Variants in TMEM220 observed in about 807,000 individuals in gnomAD.
TMEM220 encodes the protein transmembrane protein 220.
In TMEM220, 21 loss-of-function variants were observed where a neutral mutation model predicts 21.7. The ratio of observed to expected loss-of-function variants is 0.97; its 90% confidence interval spans 0.69 to 1.39. The LOEUF is 1.39. TMEM220 is among the 40% of genes most tolerant of loss of function. The probability of loss-of-function intolerance (pLI) is 0.00; values close to 1 mark genes in which losing one functional copy is unlikely to be tolerated. For missense variants in TMEM220, 191 were observed against 201.9 expected (o/e 0.95, Z 0.33); for synonymous variants, 80 against 73.6 (o/e 1.09, Z -0.45).
intron 5 of TMEM220, among the ~76,000 whole-genome samples, chr17:10,721,669 A>G (rs568430671): frequency 6.6e-6 from 1 of 150,492 alleles, no homozygotes; most frequent in African/African-American, 2.4e-5. Context: ...TGTGGCGTGG[A>G]TAAGGTTCAG....
In TMEM220 at chr17:10,729,791, C is replaced by T. The variant is rs1426039236; in HGVS notation, c.61G>A (p.Ala21Thr). Residue 21 changes from alanine to threonine, a missense_variant, in exon 1 of 6, where the codon GCC (alanine) becomes ACC (threonine). Physicochemically the swap from Ala to Thr is moderately conservative, Grantham distance 58. Transcript: ENST00000341871. The part of the protein sequence containing the change: ...GLMAAFFALA[A>T]LVQVNDPDAE... ...CGCGGCCGCCTGACCTGCACCAAGGCCGCCAGCGCGAAGAAGGCGGCCATG... is the reference window on the plus strand; with the variant it reads ...CGCGGCCGCCTGACCTGCACCAAGGTCGCCAGCGCGAAGAAGGCGGCCATG... The T allele has an allele frequency of 2.8e-6, 4 of 1,412,364 alleles. No homozygotes were observed. Among genetic ancestry groups the T allele is most frequent in the Non-Finnish European group, 3.7e-6 (4 of 1,076,318 alleles). The allele number at this position is 1,412,364 out of a possible 1,614,324, so 87.5% of individuals were successfully genotyped here. A position where few individuals can be genotyped will look rare whatever the true frequency, so the allele number is the denominator to read the frequency against.
At chr17:10,725,260 C>T (rs2075036951) in intron 3 of TMEM220, 126 bp from the exon 4 acceptor site, 6 of 1,337,258 alleles carry the variant, frequency 4.5e-6, no homozygotes, top group South Asian at 2.8e-5. Flanking sequence ...TCAGCCCCAT[C>T]GCCCCTTTTT....
rs2074918796 is a variant in TMEM220 at position 10,716,232 on chromosome 17, A to G, written c.348-644T>C. On this transcript the variant is annotated intron_variant, in intron 5 of 5. Coordinates refer to ENST00000341871, the MANE Select transcript of TMEM220 (RefSeq NM_001004313.3). Reference sequence around the variant, plus strand: ...TTGATGTTGTAAAAGAAATGTGTTCATCTCCAATAATGATTTCAAGCTCCT... The same window carrying G: ...TTGATGTTGTAAAAGAAATGTGTTCGTCTCCAATAATGATTTCAAGCTCCT... 3 of 841,258 alleles carry G rather than the reference A, an allele frequency of 3.6e-6. No homozygotes were observed. The South Asian group carries it at 3.9e-5, about 11-fold the overall frequency. 52.1% of individuals were successfully genotyped at this position (841,258 alleles called of 1,614,324 possible).
intron 1 of TMEM220, 35 bp downstream of exon 1, chr17:10,729,745 C>T (rs764445734): frequency 2.3e-6 from 3 of 1,329,408 alleles, no homozygotes; most frequent in Non-Finnish European, 2.9e-6. Flanking sequence ...GAGCTGGGAG[C>T]CGGGCGGGTC....
intron 3 of TMEM220, 60 bp from the exon 4 acceptor site, chr17:10,725,194 T>C (rs2075036029): frequency 6.3e-7 from 1 of 1,588,334 alleles, no homozygotes; most frequent in East Asian, 2.3e-5. Context: ...AAAAAAAAAA[T>C]GATCTTTTTG....
intron 5 of TMEM220, among the ~76,000 whole-genome samples, chr17:10,717,876 T>C (rs1400172703): frequency 6.6e-6 from 1 of 151,840 alleles, no homozygotes; most frequent in Non-Finnish European, 1.5e-5. Flanking sequence ...CAGGCTGGAG[T>C]ACAGTGTGAT....
chr17:10,727,770 T>C (rs1176361111), intron 2 of TMEM220, among the ~76,000 whole-genome samples: 1 of 152,202 alleles, frequency 6.6e-6, no homozygotes, highest in Non-Finnish European at 1.5e-5. Context: ...CTGTCAATAT[T>C]ATTCTAAAGC....
At chr17:10,716,203 A>G in intron 5 of TMEM220, 1 of 881,172 alleles carries the variant, frequency 1.1e-6, no homozygotes, top group East Asian at 3.4e-5. Context: ...AAGGGAACCA[A>G]TTTTTGATGT....
chr17:10,718,613 C>A (rs1247486100), intron 5 of TMEM220, among the ~76,000 whole-genome samples: 1 of 152,076 alleles, frequency 6.6e-6, no homozygotes, highest in African/African-American at 2.4e-5. Context: ...AGCTGCATCT[C>A]ACACATTTTG....
At chr17:10,713,219 T>C (rs932640812), downstream of TMEM220, 13 of 147,212 alleles carry the variant, frequency 8.8e-5, no homozygotes, top group Non-Finnish European at 1.5e-4. Flanking sequence ...TGTAGTGAAC[T>C]GAGATCGCGC....
intron 5 of TMEM220, 38 bp from the exon 6 acceptor site, chr17:10,715,626 G>A (rs1349220218): frequency 1.3e-6 from 2 of 1,487,656 alleles, no homozygotes; most frequent in African/African-American, 1.4e-5. Context: ...TAAAAATCAT[G>A]GATTGCTTTG....
intron 5 of TMEM220, among the ~76,000 whole-genome samples, chr17:10,718,170 T>A (rs772075637): frequency 3.2e-4 from 49 of 152,214 alleles, no homozygotes; most frequent in Non-Finnish European, 4.1e-4. Context: ...TGAGTATTTA[T>A]TCTTATGTAA....
At chr17:10,718,791 A>ATAACATACTCTG (rs1463001707) in intron 5 of TMEM220, among the ~76,000 whole-genome samples, 6 of 152,224 alleles carry the variant, frequency 3.9e-5, no homozygotes, top group Non-Finnish European at 8.8e-5. Flanking sequence ...CCGTGGTCAA[A>ATAACATACTCTG]TAACATACTC....
intron 5 of TMEM220, among the ~76,000 whole-genome samples, chr17:10,721,491 A>G (rs1350286145): frequency 1.3e-5 from 2 of 151,592 alleles, no homozygotes; most frequent in African/African-American, 2.4e-5. Context: ...TGTAATCCCA[A>G]CTACTTGGGA....
chr17:10,720,795 A>G (rs77274998), intron 5 of TMEM220, among the ~76,000 whole-genome samples: 521 of 152,328 alleles, frequency 3.4e-3, no homozygotes, highest in African/African-American at 0.012. Flanking sequence ...TCCTAATAAC[A>G]AAAACAAACA....
chr17:10,719,463 G>T (rs191556854), intron 5 of TMEM220, among the ~76,000 whole-genome samples: 521 of 152,090 alleles, frequency 3.4e-3, no homozygotes, highest in African/African-American at 0.012. Context: ...AGACAGGATT[G>T]CACCATTTGG....
At position 10,730,003 on chromosome 17, in the gene TMEM220, G is replaced by GT. The variant is rs57860819; in HGVS notation, c.-153_-152insA. On this transcript the variant is annotated 5_prime_UTR_variant, in exon 1 of 6. Coordinates refer to ENST00000341871, the MANE Select transcript of TMEM220 (RefSeq NM_001004313.3). Reference sequence around the variant, plus strand: ...GGGACACTGCCGTGGCCGTCGCTCCGCCCGGGGGCGGGGAGCGAAGGGCGT... The same window carrying GT: ...GGGACACTGCCGTGGCCGTCGCTCCGTCCCGGGGGCGGGGAGCGAAGGGCGT... 558,465 of 1,187,128 alleles carry GT rather than the reference G, an allele frequency of 0.47. 129,550 individuals carry two copies. The highest frequency in any genetic ancestry group is 0.71 in the African/African-American group (41,571 of 58,816). 73.5% of individuals were successfully genotyped at this position (1,187,128 alleles called of 1,614,324 possible).
chr17:10,711,212 T>C, downstream of TMEM220: 1 of 1,262,294 alleles, frequency 7.9e-7, no homozygotes, highest in Non-Finnish European at 1.1e-6. Context: ...AAAATAAAAA[T>C]CCTCTGTCTC....
downstream of TMEM220, chr17:10,711,227 T>C (rs2074851437): frequency 9.2e-7 from 1 of 1,089,460 alleles, no homozygotes; most frequent in South Asian, 1.6e-5. Flanking sequence ...TGTCTCATTG[T>C]TTAGTATTCA....
Sources: gnomAD v4.1 joint callset for allele counts (sites outside exome capture counted in the v4.1 genomes callset) on GRCh38, gnomAD v4.1.1 for gene constraint, MANE v1.5 for transcripts, NCBI Gene and HGNC (gene_info 2026-07-23, HGNC 2026-07-21) for gene names.